RSRC2: variants seen among roughly 807,000 people sequenced by gnomAD.
RSRC2 encodes arginine and serine rich coiled-coil 2.
Under a neutral mutation model 61.3 loss-of-function variants are expected in RSRC2, and 5 were observed. That is an observed-to-expected ratio of 0.08 (90% CI 0.04 to 0.17). The LOEUF is 0.17. RSRC2 is among the 10% of genes least tolerant of loss of function. The probability of loss-of-function intolerance (pLI) is 1.00; values close to 1 mark genes in which losing one functional copy is unlikely to be tolerated. For missense variants in RSRC2, 381 were observed against 518.8 expected (o/e 0.73, Z 2.58); for synonymous variants, 202 against 166.5 (o/e 1.21, Z -1.64).
intron 8 of RSRC2, chr12:122,507,144 G>A (rs897693304): frequency 5.6e-6 from 3 of 537,092 alleles, no homozygotes; most frequent in South Asian, 1.8e-5. Flanking sequence ...TTGGAAGGCC[G>A]AGGTGGGCAA....
In RSRC2 at chr12:122,522,123, C is replaced by A; in HGVS notation, c.163+20G>T. 1 of 1,600,158 alleles carries A rather than the reference C, an allele frequency of 6.2e-7. No homozygotes were observed. The highest frequency in any genetic ancestry group is 8.5e-7 in the Non-Finnish European group (1 of 1,174,180). On this transcript the variant is annotated intron_variant, in intron 2 of 9. Transcript: ENST00000331738. ...CTTATACAAATGCTGAGAGTTGTAA[C>A]CACCTTTAAGAATTCATACCTGACT...
At chr12:122,521,313 T>G (rs1959202220) in intron 3 of RSRC2, 72 bp downstream of exon 3, 3 of 1,183,314 alleles carry the variant, frequency 2.5e-6, no homozygotes, top group Non-Finnish European at 2.5e-6. Context: ...ACGTCTTATA[T>G]TCATACAAAT....
In RSRC2 at chr12:122,503,702, T is replaced by G. The variant is rs2137393629; in HGVS notation, c.*1825A>C. 6.6e-6 allele frequency: 1 copy of G among 152,320 alleles called. No homozygotes were observed. The highest frequency in any genetic ancestry group is 1.9e-4 in the East Asian group (1 of 5,188). 9.4% of individuals were successfully genotyped at this position (152,320 alleles called of 1,614,324 possible). ...TGTCATTTCCTTAGAAGGCTTAGAT[T>G]TGTCACTGAAACACGGTGAAAAGCC... On this transcript the variant is annotated 3_prime_UTR_variant, in exon 10 of 10. Transcript: ENST00000331738.
At chr12:122,524,208 T>C (rs983352013) in intron 1 of RSRC2, among the ~76,000 whole-genome samples, 1 of 152,342 alleles carries the variant, frequency 6.6e-6, no homozygotes, top group Middle Eastern at 3.4e-3. Flanking sequence ...TAATGCTGTA[T>C]CATTAAGGAT....
chr12:122,513,793 T>C (rs1958706002), intron 6 of RSRC2: 21 of 985,438 alleles, frequency 2.1e-5, no homozygotes, highest in Non-Finnish European at 2.5e-5. Context: ...AGCTGCAGTT[T>C]CTGTCAGGCT....
At chr12:122,511,276 G>A (rs931571319) in intron 6 of RSRC2, 88 bp from the exon 7 acceptor site, 1 of 920,618 alleles carries the variant, frequency 1.1e-6, no homozygotes. Context: ...ACAGAGACAA[G>A]CCAACTTCCA....
intron 5 of RSRC2, among the ~76,000 whole-genome samples, chr12:122,516,804 C>T (rs1958966680): frequency 6.6e-6 from 1 of 152,006 alleles, no homozygotes; most frequent in Admixed American, 6.6e-5. Flanking sequence ...GTGATTATCC[C>T]ACCTCAGCCT....
At chr12:122,506,741 C>T in intron 9 of RSRC2, 93 bp downstream of exon 9, 1 of 768,134 alleles carries the variant, frequency 1.3e-6, no homozygotes, top group South Asian at 1.6e-5. Flanking sequence ...ACGCTGACAC[C>T]TGAGTAAAGA....
At position 122,515,239 on chromosome 12, in the gene RSRC2, C is replaced by T. The variant is rs201074787; in HGVS notation, c.603-12G>A. ...TCTTCTTTCTATCTCTGTAGTAAAT[C>T]GTATTTCATATGTCAAATTATGGCC... On this transcript the variant is annotated splice_polypyrimidine_tract_variant and intron_variant, in intron 5 of 9. Transcript: ENST00000331738. 3.5e-4 allele frequency: 566 copies of T among 1,609,884 alleles called. No homozygotes were observed. Among genetic ancestry groups the T allele is most frequent in the Non-Finnish European group, 4.5e-4 (525 of 1,178,492 alleles).
At chr12:122,521,862 G>T (rs1382959245) in intron 2 of RSRC2, among the ~76,000 whole-genome samples, 2 of 152,216 alleles carry the variant, frequency 1.3e-5, no homozygotes, top group Admixed American at 6.5e-5. Context: ...TAAGCTAGGC[G>T]TGGTGGCGCA....
intron 6 of RSRC2, 104 bp downstream of exon 6, chr12:122,515,001 A>G (rs1668440576): frequency 4.0e-6 from 5 of 1,250,716 alleles, no homozygotes; most frequent in Middle Eastern, 1.9e-4. Flanking sequence ...CCATATTACT[A>G]AAGTATGTGA....
chr12:122,518,585 T>A (rs1385207936), intron 4 of RSRC2, among the ~76,000 whole-genome samples: 2 of 98,852 alleles, frequency 2.0e-5, no homozygotes. Flanking sequence ...ACAGCAAGAC[T>A]CCGTGTCAAA....
At chr12:122,509,079 C>T (rs1958308147) in intron 7 of RSRC2, among the ~76,000 whole-genome samples, 1 of 151,906 alleles carries the variant, frequency 6.6e-6, no homozygotes. Context: ...AACAATAAAA[C>T]CTTGTATTTT....
chr12:122,525,005 G>C (rs1959863809), intron 1 of RSRC2, among the ~76,000 whole-genome samples: 1 of 152,104 alleles, frequency 6.6e-6, no homozygotes, highest in Non-Finnish European at 1.5e-5. Context: ...TTGAATACTA[G>C]GTCACTTCTC....
At chr12:122,519,072 C>T in intron 3 of RSRC2, 43 bp from the exon 4 acceptor site, 2 of 1,551,674 alleles carry the variant, frequency 1.3e-6, no homozygotes, top group Non-Finnish European at 1.8e-6. Flanking sequence ...AATAGTGCAA[C>T]AAAGAGAGTT....
intron 2 of RSRC2, 66 bp from the exon 3 acceptor site, chr12:122,521,494 T>C: frequency 7.1e-7 from 1 of 1,409,790 alleles, no homozygotes; most frequent in East Asian, 2.3e-5. Flanking sequence ...CTTAAAAAAC[T>C]CTTAATGCTG....
chr12:122,517,242 G>C lies in RSRC2; in HGVS notation c.587C>G (p.Thr196Arg), dbSNP rs1565899343. 1.2e-6 allele frequency: 2 copies of C among 1,614,076 alleles called. No individual in the cohort carries two copies. The highest frequency in any genetic ancestry group is 8.5e-7 in the Non-Finnish European group (1 of 1,179,990). Residue 196 changes from threonine to arginine, a missense_variant, in exon 5 of 10, where the codon ACA becomes AGA. By Grantham distance (71) the Thr-to-Arg change is moderately conservative. This residue lies in a region of RSRC2 where 266 missense variants were observed against 270.5 expected (regional missense o/e 0.98). Transcript: ENST00000331738. ...GGTCACCTACCGACTCCTACTCCTT[G>C]TCCTACTCCTGCTTCTAGTCCTATG... ...HRHRTRSRSR[T>R]RSRSRDRKKR...
intron 6 of RSRC2, 21 bp downstream of exon 6, chr12:122,515,084 T>C (rs1276994195): frequency 1.2e-6 from 2 of 1,603,868 alleles, no homozygotes; most frequent in East Asian, 2.2e-5. Context: ...CTGGAACAAA[T>C]GAATTAAGAA....
intron 3 of RSRC2, 185 bp from the exon 4 acceptor site, chr12:122,519,214 A>G: frequency 3.6e-6 from 2 of 548,984 alleles, no homozygotes; most frequent in South Asian, 2.4e-5. Context: ...TTTTTACTAT[A>G]AACACCCAAA....
Sources: gnomAD v4.1 joint callset for allele counts (sites outside exome capture counted in the v4.1 genomes callset) on GRCh38, gnomAD v4.1.1 for gene constraint, gnomAD v4.1.1 regional missense constraint, MANE v1.5 for transcripts, NCBI Gene and HGNC (gene_info 2026-07-23, HGNC 2026-07-21) for gene names.